Variants in PPP4R2 observed in about 807,000 individuals in gnomAD.
PPP4R2 encodes the protein protein phosphatase 4 regulatory subunit 2.
PPP4R2 carries 13 observed loss-of-function variants against 47.2 expected under a neutral mutation model. The ratio of observed to expected loss-of-function variants is 0.28; its 90% CI spans 0.18 to 0.44. The LOEUF is 0.44. PPP4R2 is among the 20% of genes least tolerant of loss of function. PPP4R2 has a pLI of 1.00. For missense variants in PPP4R2, 421 were observed against 491.2 expected, an observed-to-expected ratio of 0.86 and a Z score of 1.35; for synonymous variants, 151 against 163.3, an observed-to-expected ratio of 0.92 and a Z score of 0.57.
intron 2 of PPP4R2, among the ~76,000 whole-genome samples, chr3:73,001,040 C>G (rs1015904792): frequency 6.6e-6 from 1 of 152,180 alleles, no homozygotes; most frequent in Admixed American, 6.5e-5. Context: ...TATCCTTATT[C>G]TCTGGTATAA....
intron 3 of PPP4R2, among the ~76,000 whole-genome samples, chr3:73,058,671 ACTTATACT>A (rs1026700524): frequency 1.3e-5 from 2 of 152,050 alleles, no homozygotes; most frequent in Non-Finnish European, 2.9e-5. Flanking sequence ...CAAACAGTAC[ACTTATACT>A]CTTAGTTATT....
At chr3:73,020,669 C>CT (rs1164723181) in intron 2 of PPP4R2, among the ~76,000 whole-genome samples, 20 of 39,478 alleles carry the variant, frequency 5.1e-4, no homozygotes, top group East Asian at 8.5e-4. Context: ...GACCCTGTCT[C>CT]TTTAAAAAAA....
chr3:73,061,084 A>G (rs746102605), intron 5 of PPP4R2, 24 bp downstream of exon 5: 4 of 1,214,592 alleles, frequency 3.3e-6, no homozygotes, highest in South Asian at 1.5e-5. Context: ...TTCTATTTCT[A>G]GTATATTATT....
intron 4 of PPP4R2, 116 bp from the exon 5 acceptor site, chr3:73,060,907 C>A: frequency 3.3e-6 from 2 of 607,966 alleles, no homozygotes; most frequent in Non-Finnish European, 5.3e-6. Context: ...CCTTTACTAG[C>A]AAAATTAGAA....
At chr3:73,053,761 T>G (rs1034481292) in intron 3 of PPP4R2, among the ~76,000 whole-genome samples, 3 of 151,590 alleles carry the variant, frequency 2.0e-5, no homozygotes, top group Admixed American at 2.0e-4. Flanking sequence ...TACAAAAAAT[T>G]AGCTGGGCGT....
chr3:73,050,473 A>T (rs550220507), intron 3 of PPP4R2, among the ~76,000 whole-genome samples: 215 of 152,158 alleles, frequency 1.4e-3, no homozygotes, highest in South Asian at 0.01. Flanking sequence ...ATAGTTTTTT[A>T]AAATATTTAC....
intron 4 of PPP4R2, among the ~76,000 whole-genome samples, chr3:73,060,383 C>G (rs1303731821): frequency 6.6e-6 from 1 of 152,062 alleles, no homozygotes; most frequent in Non-Finnish European, 1.5e-5. Flanking sequence ...TACCAGGTGC[C>G]CTGCCTTTAA....
At chr3:73,013,597 TCA>T (rs1363446239) in intron 2 of PPP4R2, among the ~76,000 whole-genome samples, 1 of 152,160 alleles carries the variant, frequency 6.6e-6, no homozygotes, top group Non-Finnish European at 1.5e-5. Context: ...CCATGAAACT[TCA>T]GTTTGCCTTT....
In PPP4R2 at chr3:73,052,008, G is replaced by T. The variant is rs112304947; in HGVS notation, c.287+4652G>T. 1.5e-3 allele frequency among the ~76,000 whole-genome samples: 226 copies of T among 152,276 alleles called. 1 individual carries two copies. The highest frequency in any genetic ancestry group is 5.1e-3 in the African/African-American group (212 of 41,554). ...TTCCTGAACTATAAGCTTCTGGAGA[G>T]CTGGGGTAACAGTCTTTTCCAAACA... On this transcript the variant is annotated intron_variant, in intron 3 of 8. Coordinates refer to ENST00000356692, the MANE Select transcript of PPP4R2 (RefSeq NM_174907.4).
chr3:73,010,872 G>C (rs1701709821), intron 2 of PPP4R2, among the ~76,000 whole-genome samples: 1 of 152,090 alleles, frequency 6.6e-6, no homozygotes, highest in Non-Finnish European at 1.5e-5. Context: ...AATATTTAAT[G>C]AACATTTATT....
intron 2 of PPP4R2, chr3:73,014,795 C>A: frequency 1.3e-5 from 5 of 398,538 alleles, no homozygotes; most frequent in Non-Finnish European, 1.3e-5. Context: ...TCATTTGTTT[C>A]ATTGGAGATT....
intron 4 of PPP4R2, among the ~76,000 whole-genome samples, chr3:73,060,506 G>A (rs909136390): frequency 2.0e-5 from 3 of 152,140 alleles, no homozygotes; most frequent in Non-Finnish European, 4.4e-5. Context: ...AACACTTACT[G>A]TGACTCATAC....
rs543506676 is a variant in PPP4R2 at position 73,062,376 on chromosome 3, G to C, written c.420-1297G>C. The C allele has an allele frequency of 2.1e-5, 34 of 1,606,510 alleles. No individual in the cohort carries two copies. The highest frequency in any genetic ancestry group is 1.7e-4 in the Middle Eastern group (1 of 6,014). ...ATTGGAACCCCAACCCAGCATTGGG[G>C]ATATTAAGGACATTAAAAAAGCAGC... On this transcript the variant is annotated intron_variant, in intron 5 of 8. Transcript: ENST00000356692.
chr3:73,061,998 A>G (rs1702869116), intron 5 of PPP4R2: 5 of 1,014,556 alleles, frequency 4.9e-6, no homozygotes, highest in Non-Finnish European at 5.6e-6. Context: ...TTTATGAAGC[A>G]AAATATGTTT....
intron 2 of PPP4R2, among the ~76,000 whole-genome samples, chr3:73,019,606 T>C (rs1025304458): frequency 2.0e-5 from 3 of 152,208 alleles, no homozygotes; most frequent in Non-Finnish European, 4.4e-5. Context: ...ACTCCTGACC[T>C]CAGATGATCT....
intron 3 of PPP4R2, among the ~76,000 whole-genome samples, chr3:73,058,204 A>T (rs1008363960): frequency 1.1e-4 from 17 of 152,148 alleles, no homozygotes; most frequent in African/African-American, 4.1e-4. Context: ...TGGTAAAGTT[A>T]AATAAAAGTT....
intron 2 of PPP4R2, among the ~76,000 whole-genome samples, chr3:73,016,357 G>T (rs1280205355): frequency 6.6e-6 from 1 of 152,056 alleles, no homozygotes; most frequent in African/African-American, 2.4e-5. Context: ...CAGTTTGGGG[G>T]CATGCTGCCG....
chr3:73,009,154 C>G (rs2107220634), intron 2 of PPP4R2, among the ~76,000 whole-genome samples: 1 of 152,302 alleles, frequency 6.6e-6, no homozygotes, highest in East Asian at 1.9e-4. Context: ...AATAGATGAT[C>G]TCCAAGGTTC....
Position 73,043,300 on chromosome 3 carries a change from G to GAAGTT in PPP4R2, c.117-3884_117-3883insGTTAA, listed in dbSNP as rs1702419492. Among the ~76,000 whole-genome samples the GAAGTT allele has an allele frequency of 6.6e-5, 10 of 151,332 alleles. No individual in the cohort carries two copies. The South Asian group carries it at 1.5e-3, about 22-fold the overall frequency. ...ATATTAGGCATATCAAAAATTCTGT[G>GAAGTT]AAATTAAAAATTAAAAATTCTGCTT... On this transcript the variant is annotated intron_variant, in intron 2 of 8. Transcript: ENST00000356692.
Sources: allele counts gnomAD v4.1 joint callset (sites outside exome capture counted in the v4.1 genomes callset), GRCh38; gene constraint gnomAD v4.1.1; transcripts MANE v1.5; gene names NCBI Gene and HGNC (gene_info 2026-07-23, HGNC 2026-07-21).